Variants in GLRB observed in about 807,000 individuals in gnomAD.
The protein encoded by GLRB is glycine receptor beta, also known as glycine receptor subunit beta.
In GLRB, 33 loss-of-function variants were observed where a neutral mutation model predicts 54.2. That is an observed-to-expected ratio of 0.61 (90% CI 0.46 to 0.81). GLRB has a LOEUF of 0.81. Among genes scored for constraint, GLRB ranks in the 40% least tolerant of loss-of-function variants. The pLI, the probability that GLRB is intolerant of heterozygous loss-of-function variation, is 0.00. For missense variants in GLRB, 572 were observed against 584.6 expected, an observed-to-expected ratio of 0.98 and a Z score of 0.22; for synonymous variants, 209 against 208.2, an observed-to-expected ratio of 1.00 and a Z score of -0.03.
intron 2 of GLRB, among the ~76,000 whole-genome samples, chr4:157,084,285 T>A (rs913508809): frequency 3.9e-5 from 6 of 152,096 alleles, no homozygotes; most frequent in African/African-American, 1.4e-4. Flanking sequence ...ACTGTTTGAG[T>A]TTCAAACATT....
intron 2 of GLRB, among the ~76,000 whole-genome samples, chr4:157,120,152 G>A (rs561244403): frequency 5.5e-4 from 81 of 145,998 alleles, no homozygotes; most frequent in African/African-American, 1.9e-3. Context: ...CAAACACTGC[G>A]TGTTCTCATT....
intron 2 of GLRB, among the ~76,000 whole-genome samples, chr4:157,093,832 C>A (rs1458784166): frequency 6.7e-6 from 1 of 149,432 alleles, no homozygotes; most frequent in East Asian, 2.0e-4. Flanking sequence ...TAGAGTAGTT[C>A]TTCAGAGAGA....
intron 2 of GLRB, among the ~76,000 whole-genome samples, chr4:157,094,483 T>C (rs890147932): frequency 6.3e-4 from 96 of 152,216 alleles, no homozygotes; most frequent in African/African-American, 2.2e-3. Context: ...AATACACCTA[T>C]ACACACATAC....
At chr4:157,160,816 G>A (rs1463089521) in intron 9 of GLRB, among the ~76,000 whole-genome samples, 2 of 152,176 alleles carry the variant, frequency 1.3e-5, no homozygotes, top group Admixed American at 6.5e-5. Flanking sequence ...CTGTTGATTT[G>A]GGGTGGGGAG....
chr4:157,155,418 C>T (rs1001769700), intron 9 of GLRB, among the ~76,000 whole-genome samples: 3 of 152,196 alleles, frequency 2.0e-5, no homozygotes, highest in Admixed American at 6.5e-5. Context: ...AGGCATGAAC[C>T]ACCATGCCTT....
intron 8 of GLRB, among the ~76,000 whole-genome samples, chr4:157,151,773 T>C (rs1483561969): frequency 6.6e-6 from 1 of 152,062 alleles, no homozygotes; most frequent in Non-Finnish European, 1.5e-5. Context: ...ATACATTAAT[T>C]CTCATAAGTG....
chr4:157,137,534 T>C (rs1008775669), intron 6 of GLRB, among the ~76,000 whole-genome samples: 3 of 151,684 alleles, frequency 2.0e-5, no homozygotes, highest in Admixed American at 2.0e-4. Context: ...ACATGGATCA[T>C]CTTATAATAA....
intron 2 of GLRB, among the ~76,000 whole-genome samples, chr4:157,120,226 A>C (rs1289600364): frequency 9.8e-6 from 1 of 101,898 alleles, no homozygotes; most frequent in African/African-American, 3.9e-5. Context: ...CATTCTGGGG[A>C]CTGTTGTGGG....
chr4:157,169,330 C>A (rs1737831045), intron 9 of GLRB, among the ~76,000 whole-genome samples: 1 of 152,022 alleles, frequency 6.6e-6, no homozygotes, highest in African/African-American at 2.4e-5. Context: ...CAAGAGCTAA[C>A]CTTTTTGTGG....
intron 3 of GLRB, among the ~76,000 whole-genome samples, chr4:157,121,064 G>T (rs1735798667): frequency 6.6e-6 from 1 of 151,578 alleles, no homozygotes; most frequent in South Asian, 2.1e-4. Context: ...TAGGGAAAGA[G>T]AACAGTTCTG....
intron 2 of GLRB, among the ~76,000 whole-genome samples, chr4:157,119,237 A>G (rs76609615): frequency 0.02 from 2,990 of 151,716 alleles, 77 homozygotes; most frequent in African/African-American, 0.066. Flanking sequence ...ATCTGATAAT[A>G]GTGAAAAGTA....
intron 1 of GLRB, chr4:157,076,586 G>C (rs1285673398): frequency 2.6e-5 from 4 of 152,198 alleles, no homozygotes; most frequent in African/African-American, 9.6e-5. Context: ...GGTTGGCCAG[G>C]AGGGCTCCTT....
chr4:157,132,538 C>T (rs1244424372), intron 4 of GLRB, among the ~76,000 whole-genome samples: 1 of 151,810 alleles, frequency 6.6e-6, no homozygotes, highest in Admixed American at 6.6e-5. Flanking sequence ...TTAAGTTCTA[C>T]AGCCTTTCCT....
intron 9 of GLRB, among the ~76,000 whole-genome samples, chr4:157,162,902 T>C (rs1036127175): frequency 6.6e-6 from 1 of 152,216 alleles, no homozygotes; most frequent in Non-Finnish European, 1.5e-5. Flanking sequence ...AAGTTTGTGC[T>C]GCCTTTTGTT....
intron 2 of GLRB, among the ~76,000 whole-genome samples, chr4:157,110,990 T>C (rs1735397965): frequency 6.6e-6 from 1 of 152,030 alleles, no homozygotes; most frequent in African/African-American, 2.4e-5. Flanking sequence ...AAGAAGAATC[T>C]GGGCACTGGT....
chr4:157,089,719 T>C (rs1332559882), intron 2 of GLRB, among the ~76,000 whole-genome samples: 1 of 152,232 alleles, frequency 6.6e-6, no homozygotes, highest in Non-Finnish European at 1.5e-5. Context: ...CTGGGTAATA[T>C]CTATTGGTAT....
intron 2 of GLRB, among the ~76,000 whole-genome samples, chr4:157,098,772 T>C (rs1734909284): frequency 6.8e-6 from 1 of 147,760 alleles, no homozygotes; most frequent in African/African-American, 2.4e-5. Flanking sequence ...TGCTGGCTAA[T>C]TTTTTTTGTA....
At chr4:157,108,583 C>T (rs1320689382) in intron 2 of GLRB, among the ~76,000 whole-genome samples, 3 of 152,032 alleles carry the variant, frequency 2.0e-5, no homozygotes, top group African/African-American at 4.8e-5. Flanking sequence ...AAAACTTGAA[C>T]AGAAGATGCA....
At chr4:157,152,667 A>G in intron 8 of GLRB, 51 bp from the exon 9 acceptor site, 2 of 1,405,042 alleles carry the variant, frequency 1.4e-6, no homozygotes, top group Non-Finnish European at 2.0e-6. Context: ...TGACCCCAGA[A>G]CATCTCATAG....
Sources: allele counts gnomAD v4.1 joint callset (sites outside exome capture counted in the v4.1 genomes callset), GRCh38; gene constraint gnomAD v4.1.1; transcripts MANE v1.5; gene names NCBI Gene and HGNC (gene_info 2026-07-23, HGNC 2026-07-21).